DAB1: variants seen among roughly 807,000 people sequenced by gnomAD.
The protein encoded by DAB1 is DAB adaptor protein 1.
Under a neutral mutation model 64.6 loss-of-function variants are expected in DAB1, and 15 were observed. That is an observed-to-expected ratio of 0.23 (90% CI 0.16 to 0.36). The LOEUF (loss-of-function observed/expected upper bound fraction) is 0.36. DAB1 is among the 10% of genes least tolerant of loss of function. DAB1 has a pLI of 1.00. For missense variants in DAB1, 596 were observed against 706.7 expected (o/e 0.84, Z 1.78); for synonymous variants, 235 against 251.9 (o/e 0.93, Z 0.64).
At chr1:58,371,126 G>A (rs913915683) in intron 3 of DAB1, among the ~76,000 whole-genome samples, 2 of 152,180 alleles carry the variant, frequency 1.3e-5, no homozygotes, top group African/African-American at 2.4e-5. Context: ...ACTTCCTAGA[G>A]ACTTTTTGAA....
At chr1:57,535,590 G>A (rs930353295) in intron 7 of DAB1, among the ~76,000 whole-genome samples, 8 of 151,372 alleles carry the variant, frequency 5.3e-5, no homozygotes, top group Non-Finnish European at 8.8e-5. Context: ...AGCCTCCTGA[G>A]TAGCTGGGAT....
intron 4 of DAB1, among the ~76,000 whole-genome samples, chr1:57,098,779 C>A (rs1654403675): frequency 6.6e-6 from 1 of 152,174 alleles, no homozygotes; most frequent in Non-Finnish European, 1.5e-5. Context: ...TGGGGCAATT[C>A]TTCAACTTAT....
At chr1:58,212,647 T>C (rs1658617068) in intron 4 of DAB1, among the ~76,000 whole-genome samples, 1 of 152,132 alleles carries the variant, frequency 6.6e-6, no homozygotes, top group Non-Finnish European at 1.5e-5. Flanking sequence ...ATGCAGCTGG[T>C]GGGGGAAACT....
intron 4 of DAB1, among the ~76,000 whole-genome samples, chr1:57,110,015 G>A (rs1655510241): frequency 6.6e-6 from 1 of 152,116 alleles, no homozygotes; most frequent in Non-Finnish European, 1.5e-5. Context: ...TACAAAAGGG[G>A]CTTTGTGACA....
chr1:57,321,354 G>A (rs552508618), intron 1 of DAB1, among the ~76,000 whole-genome samples: 1 of 152,270 alleles, frequency 6.6e-6, no homozygotes, highest in East Asian at 1.9e-4. Flanking sequence ...CACACGGGAA[G>A]GAGTCAGCCC....
chr1:58,481,204 C>CTA lies in DAB1; in HGVS notation n.257+24854_257+24855dup, dbSNP rs1358316200. ...AAAGAAATAATAAAATAAAAAAATACTATATATATACATCAATGTATTCAG... is the reference window on the plus strand; with the variant it reads ...AAAGAAATAATAAAATAAAAAAATACTATATATATATACATCAATGTATTCAG... On this transcript the variant is annotated intron_variant and non_coding_transcript_variant, in intron 3 of 20. Transcript: ENST00000485760. The CTA allele has an allele frequency of 8.4e-6, 6 of 715,160 alleles. No individual in the cohort carries two copies. The East Asian group carries it at 1.4e-4, about 17-fold the overall frequency. 44.3% of individuals were successfully genotyped at this position (715,160 alleles called of 1,614,324 possible).
chr1:57,078,353 A>G (rs1160165151), intron 4 of DAB1, among the ~76,000 whole-genome samples: 1 of 152,164 alleles, frequency 6.6e-6, no homozygotes. Context: ...CATTTACTAG[A>G]TGTGTAGCTT....
At chr1:57,754,012 T>A (rs544595704) in intron 6 of DAB1, among the ~76,000 whole-genome samples, 31 of 152,196 alleles carry the variant, frequency 2.0e-4, no homozygotes, top group South Asian at 8.3e-4. Context: ...GCCCAGAGAG[T>A]GAACTAACTT....
intron 1 of DAB1, among the ~76,000 whole-genome samples, chr1:57,360,104 G>A (rs1038564570): frequency 6.6e-6 from 1 of 152,030 alleles, no homozygotes; most frequent in African/African-American, 2.4e-5. Flanking sequence ...CTCTCACCAA[G>A]TATGCAAGGT....
exon 3 of DAB1, chr1:58,506,067 A>G (rs762956357): frequency 3.4e-6 from 3 of 870,484 alleles, no homozygotes; most frequent in South Asian, 2.6e-5. Context: ...CACCTGAGGT[A>G]TAAGTCTATC....
At chr1:58,304,113 A>G (rs2100466053) in intron 4 of DAB1, among the ~76,000 whole-genome samples, 1 of 152,286 alleles carries the variant, frequency 6.6e-6, no homozygotes, top group South Asian at 2.1e-4. Flanking sequence ...TCCAGAGCAT[A>G]TAAGGGCGAG....
chr1:57,751,728 C>A (rs141711346), intron 6 of DAB1, among the ~76,000 whole-genome samples: 1,813 of 152,144 alleles, frequency 0.012, 32 homozygotes, highest in African/African-American at 0.041. Flanking sequence ...GCAGTTAGAT[C>A]CAACAGGGAA....
At chr1:57,171,848 A>G (rs954483537) in intron 2 of DAB1, among the ~76,000 whole-genome samples, 1 of 152,224 alleles carries the variant, frequency 6.6e-6, no homozygotes, top group Non-Finnish European at 1.5e-5. Flanking sequence ...AATAAAATTA[A>G]GTGACAGGTG....
intron 2 of DAB1, among the ~76,000 whole-genome samples, chr1:57,281,145 G>T (rs910443893): frequency 6.6e-5 from 10 of 152,080 alleles, no homozygotes; most frequent in Admixed American, 1.3e-4. Flanking sequence ...CTTAGTGGCA[G>T]AACTAAAGTG....
intron 3 of DAB1, among the ~76,000 whole-genome samples, chr1:58,352,985 T>C (rs546856282): frequency 3.5e-4 from 53 of 152,298 alleles, no homozygotes; most frequent in African/African-American, 1.3e-3. Flanking sequence ...TTTTGTTGTT[T>C]ATAAGCCACC....
chr1:57,336,736 C>A (rs367859152), intron 1 of DAB1, among the ~76,000 whole-genome samples: 6 of 152,304 alleles, frequency 3.9e-5, no homozygotes, highest in African/African-American at 1.4e-4. Flanking sequence ...CCAGATGTTA[C>A]CCCTCTATGT....
Position 57,138,168 on chromosome 1 carries a change from C to T in DAB1, c.208-1527G>A, listed in dbSNP as rs1038253180. On this transcript the variant is annotated intron_variant, in intron 3 of 14. Transcript: ENST00000371236. The stretch of plus-strand genomic sequence containing the variant: ...GACACCTGCTAGGAGGAAATTCCCT[C>T]TTTCACACATCACCCATTCATTCTC... 5.3e-5 allele frequency among the ~76,000 whole-genome samples: 8 copies of T among 152,306 alleles called. No homozygotes were observed. The South Asian group carries it at 6.2e-4, about 12-fold the overall frequency.
At chr1:57,403,265 C>T (rs991471131) in intron 1 of DAB1, among the ~76,000 whole-genome samples, 4 of 152,190 alleles carry the variant, frequency 2.6e-5, no homozygotes, top group Non-Finnish European at 4.4e-5. Flanking sequence ...AGCCCTATCT[C>T]CTGCTAGGGT....
chr1:58,472,877 T>G (rs1645375149), intron 3 of DAB1, among the ~76,000 whole-genome samples: 1 of 152,014 alleles, frequency 6.6e-6, no homozygotes. Context: ...CGTGTGGAAG[T>G]AGGTGGAGCA....
Sources: allele counts gnomAD v4.1 joint callset (sites outside exome capture counted in the v4.1 genomes callset), GRCh38; gene constraint gnomAD v4.1.1; transcripts MANE v1.5; gene names NCBI Gene and HGNC (gene_info 2026-07-23, HGNC 2026-07-21).